ZNF280D: variants seen among roughly 807,000 people sequenced by gnomAD.
ZNF280D encodes the protein zinc finger protein 280D.
ZNF280D carries 39 observed loss-of-function variants against 94.7 expected under a neutral mutation model. That is an observed-to-expected ratio of 0.41 (90% confidence interval 0.32 to 0.54). ZNF280D has a LOEUF of 0.54. Among genes scored for constraint, ZNF280D ranks in the 20% least tolerant of loss-of-function variants. The pLI, the probability that ZNF280D is intolerant of heterozygous loss-of-function variation, is 0.22. For missense variants in ZNF280D, 1,090 were observed against 1,149.3 expected (o/e 0.95, Z 0.75); for synonymous variants, 398 against 377.6 (o/e 1.05, Z -0.63).
intron 1 of ZNF280D, among the ~76,000 whole-genome samples, chr15:56,733,237 G>A (rs1210707041): frequency 6.6e-6 from 1 of 152,104 alleles, no homozygotes. Flanking sequence ...CGGCTGCCGC[G>A]TCGCGCCGGG....
At chr15:56,673,200 T>C (rs1468676742) in intron 13 of ZNF280D, among the ~76,000 whole-genome samples, 1 of 151,982 alleles carries the variant, frequency 6.6e-6, no homozygotes, top group Admixed American at 6.6e-5. Flanking sequence ...TACTGCTTGA[T>C]GTCTAATACG....
intron 1 of ZNF280D, among the ~76,000 whole-genome samples, chr15:56,722,896 C>A (rs1265052230): frequency 6.6e-6 from 1 of 151,544 alleles, no homozygotes; most frequent in Non-Finnish European, 1.5e-5. Flanking sequence ...TACTATGCAG[C>A]CATAAAAAAT....
intron 1 of ZNF280D, among the ~76,000 whole-genome samples, chr15:56,711,829 G>T (rs974117442): frequency 6.6e-6 from 1 of 152,156 alleles, no homozygotes. Context: ...TGAGAACATC[G>T]TAGAGTCTAC....
At chr15:56,675,877 C>T (rs1200153605) in intron 13 of ZNF280D, among the ~76,000 whole-genome samples, 1 of 151,970 alleles carries the variant, frequency 6.6e-6, no homozygotes, top group Non-Finnish European at 1.5e-5. Flanking sequence ...TCGGTAAATC[C>T]ATTGGTTTCT....
intron 1 of ZNF280D, among the ~76,000 whole-genome samples, chr15:56,724,000 G>C (rs2058508778): frequency 6.6e-6 from 1 of 152,144 alleles, no homozygotes; most frequent in Non-Finnish European, 1.5e-5. Flanking sequence ...GTTATCAGTT[G>C]TTTACCCTCA....
intron 1 of ZNF280D, among the ~76,000 whole-genome samples, chr15:56,717,435 T>C (rs2058104965): frequency 6.6e-6 from 1 of 152,100 alleles, no homozygotes; most frequent in African/African-American, 2.4e-5. Flanking sequence ...GACTTGAACT[T>C]TGTGTGGCTC....
At chr15:56,702,910 AACACACACACACACACAC>A (rs59095987) in intron 4 of ZNF280D, among the ~76,000 whole-genome samples, 51 of 135,756 alleles carry the variant, frequency 3.8e-4, no homozygotes, top group South Asian at 3.2e-3. Flanking sequence ...ATGGTAAGTA[AACACACACACACACACAC>A]ACACACACAC....
intron 19 of ZNF280D, among the ~76,000 whole-genome samples, chr15:56,650,888 T>A (rs1005486759): frequency 9.2e-5 from 14 of 152,136 alleles, no homozygotes; most frequent in African/African-American, 3.4e-4. Context: ...ATGTCTTCAC[T>A]CAAATGTCAT....
chr15:56,703,768 C>T (rs1449245889), intron 4 of ZNF280D, among the ~76,000 whole-genome samples: 5 of 151,892 alleles, frequency 3.3e-5, no homozygotes, highest in Admixed American at 1.3e-4. Flanking sequence ...GTGGGAGGAT[C>T]GCTTGAGCCA....
intron 19 of ZNF280D, among the ~76,000 whole-genome samples, chr15:56,650,099 T>G (rs1388282363): frequency 6.6e-6 from 1 of 152,130 alleles, no homozygotes; most frequent in African/African-American, 2.4e-5. Flanking sequence ...AGTGTCTACA[T>G]TTCTAATTCC....
intron 13 of ZNF280D, among the ~76,000 whole-genome samples, chr15:56,673,722 A>G (rs761718052): frequency 6.6e-6 from 1 of 151,806 alleles, no homozygotes; most frequent in Non-Finnish European, 1.5e-5. Flanking sequence ...CCTCCTATTA[A>G]TTTACTCTGC....
At chr15:56,653,366 G>A in intron 19 of ZNF280D, 1 of 1,261,930 alleles carries the variant, frequency 7.9e-7, no homozygotes, top group Non-Finnish European at 1.0e-6. Flanking sequence ...CAATTTGGTG[G>A]GCCTTAAAGC....
In ZNF280D at chr15:56,654,497, A is replaced by C. The variant is rs764016641; in HGVS notation, c.2064T>G (p.Ile688Met). 8.3e-6 allele frequency: 13 copies of C among 1,570,718 alleles called. No individual in the cohort carries two copies. The change falls in exon 18 of 22, where the codon ATT becomes ATG. Residue 688 changes from isoleucine to methionine, a missense_variant. By Grantham distance (10) the Ile-to-Met change is conservative. Transcript: ENST00000267807. The part of the protein sequence containing the change: ...FKKHSENLRG[I>M]TLVCLNCDFL... ...AATCACAATTAAGGCACACTAGAGT[A>C]ATGCCCCTAAAAAAAAAAGCATTAA...
intron 13 of ZNF280D, among the ~76,000 whole-genome samples, chr15:56,669,876 T>TATATATATA (rs2054575141): frequency 1.8e-4 from 1 of 5,536 alleles, no homozygotes; most frequent in Non-Finnish European, 4.3e-4. Flanking sequence ...ATATATTTTA[T>TATATATATA]ATATATATAT....
chr15:56,686,070 A>T (rs1359648550), intron 9 of ZNF280D, among the ~76,000 whole-genome samples: 1 of 152,220 alleles, frequency 6.6e-6, no homozygotes, highest in African/African-American at 2.4e-5. Flanking sequence ...AATTTGGGCT[A>T]AAAGGCACTA....
At chr15:56,650,570 G>C (rs1393115493) in intron 19 of ZNF280D, among the ~76,000 whole-genome samples, 1 of 152,100 alleles carries the variant, frequency 6.6e-6, no homozygotes, top group African/African-American at 2.4e-5. Context: ...TCTTGAAATT[G>C]TGGCTTTTAG....
At position 56,640,852 on chromosome 15, in the gene ZNF280D, T is replaced by C. The variant is rs367650343; in HGVS notation, c.2259+2100A>G. On this transcript the variant is annotated intron_variant, in intron 20 of 21. Transcript: ENST00000267807. ...CAAACACAAACTTGATTGTATGTTATTGATATCAAATGCTGCTTTAAACTA... is the reference window on the plus strand; with the variant it reads ...CAAACACAAACTTGATTGTATGTTACTGATATCAAATGCTGCTTTAAACTA... Among the ~76,000 whole-genome samples, 52 of 152,290 alleles carry C rather than the reference T, an allele frequency of 3.4e-4. No homozygotes were observed. The South Asian group carries it at 8.1e-3, about 24-fold the overall frequency.
intron 19 of ZNF280D, among the ~76,000 whole-genome samples, chr15:56,649,021 TTAGA>T (rs2053058789): frequency 6.6e-6 from 1 of 152,068 alleles, no homozygotes; most frequent in South Asian, 2.1e-4. Context: ...AATAATCATT[TTAGA>T]TAGACAGAAG....
At chr15:56,702,360 TA>T (rs1182369835) in intron 4 of ZNF280D, among the ~76,000 whole-genome samples, 1 of 152,212 alleles carries the variant, frequency 6.6e-6, no homozygotes, top group East Asian at 1.9e-4. Flanking sequence ...CAGTTTTATA[TA>T]AACATTTAAC....
Sources: gnomAD v4.1 joint callset for allele counts (sites outside exome capture counted in the v4.1 genomes callset) on GRCh38, gnomAD v4.1.1 for gene constraint, MANE v1.5 for transcripts, NCBI Gene and HGNC (gene_info 2026-07-23, HGNC 2026-07-21) for gene names.